Variants in HS2ST1 observed in about 807,000 individuals in gnomAD.
HS2ST1 encodes the protein heparan sulfate 2-O-sulfotransferase 1, also known as 2-O-sulfotransferase.
HS2ST1 carries 18 observed loss-of-function variants against 42.9 expected under a neutral mutation model. The observed-to-expected ratio is 0.42, with a 90% CI of 0.29 to 0.62. HS2ST1 has a LOEUF of 0.62. HS2ST1 is among the 20% of genes least tolerant of loss of function. The pLI, the probability that HS2ST1 is intolerant of heterozygous loss-of-function variation, is 0.21. For synonymous variants in HS2ST1, 146 were observed against 152.9 expected, an observed-to-expected ratio of 0.95 and a Z score of 0.33; for missense variants, 334 against 433.8, an observed-to-expected ratio of 0.77 and a Z score of 2.04.
At chr1:87,069,573 G>T (rs990923604) in intron 1 of HS2ST1, among the ~76,000 whole-genome samples, 6 of 152,178 alleles carry the variant, frequency 3.9e-5, no homozygotes. Flanking sequence ...GTTCAACTGA[G>T]ATGTGATTTA....
chr1:86,983,093 C>G (rs1648645298), intron 1 of HS2ST1, among the ~76,000 whole-genome samples: 1 of 152,220 alleles, frequency 6.6e-6, no homozygotes, highest in Non-Finnish European at 1.5e-5. Flanking sequence ...AACTTTCCCT[C>G]TTTCTGTCTT....
chr1:86,946,047 C>T (rs998357886), intron 1 of HS2ST1, among the ~76,000 whole-genome samples: 3 of 152,084 alleles, frequency 2.0e-5, no homozygotes, highest in Admixed American at 6.5e-5. Flanking sequence ...TAGGTCTGGG[C>T]GAAATAAACA....
chr1:86,959,986 A>G (rs1396249336), intron 1 of HS2ST1, among the ~76,000 whole-genome samples: 1 of 152,204 alleles, frequency 6.6e-6, no homozygotes, highest in Non-Finnish European at 1.5e-5. Context: ...AGGCAACACA[A>G]TATTATAGGA....
chr1:86,950,183 G>A (rs1177923228), intron 1 of HS2ST1, among the ~76,000 whole-genome samples: 1 of 152,160 alleles, frequency 6.6e-6, no homozygotes, highest in Non-Finnish European at 1.5e-5. Context: ...TTGATATGGT[G>A]CGCTGAGAAG....
intron 2 of HS2ST1, among the ~76,000 whole-genome samples, chr1:87,076,889 T>C (rs542541258): frequency 6.6e-6 from 1 of 152,354 alleles, no homozygotes; most frequent in East Asian, 1.9e-4. Flanking sequence ...AAGAACAACA[T>C]GAATTTTTTT....
chr1:86,951,283 T>C (rs1419855875), intron 1 of HS2ST1, among the ~76,000 whole-genome samples: 1 of 152,236 alleles, frequency 6.6e-6, no homozygotes, highest in Non-Finnish European at 1.5e-5. Flanking sequence ...TGCCTGTTTC[T>C]GCCTTCTTAA....
Position 87,048,534 on chromosome 1 carries a change from AGATATCC to A in HS2ST1, c.125-24399_125-24393del, listed in dbSNP as rs558311929. On this transcript the variant is annotated intron_variant, in intron 1 of 6. Transcript: ENST00000370550. ...TATGATACCAGCTGAACATTTTTAC[AGATATCC>A]TTTTATTAGTTTGAGGAAGTTCCCT... 9.7e-4 allele frequency among the ~76,000 whole-genome samples: 147 copies of A among 152,228 alleles called. 1 individual carries two copies. Among genetic ancestry groups the A allele is most frequent in the African/African-American group, 3.4e-3 (142 of 41,532 alleles).
intron 1 of HS2ST1, among the ~76,000 whole-genome samples, chr1:86,934,141 G>C (rs1470623327): frequency 6.6e-6 from 1 of 152,144 alleles, no homozygotes; most frequent in Non-Finnish European, 1.5e-5. Context: ...CTGGGAGGCG[G>C]CTGGAGTTTT....
chr1:86,950,062 A>C (rs1647460192), intron 1 of HS2ST1, among the ~76,000 whole-genome samples: 1 of 152,224 alleles, frequency 6.6e-6, no homozygotes, highest in African/African-American at 2.4e-5. Context: ...TAAGATGCTG[A>C]AACCATTTGG....
chr1:87,100,790 A>T (rs1160772338), intron 5 of HS2ST1, among the ~76,000 whole-genome samples: 1 of 152,124 alleles, frequency 6.6e-6, no homozygotes, highest in Admixed American at 6.5e-5. Flanking sequence ...GTGTGGTGGC[A>T]TATGCCCATA....
In HS2ST1 at chr1:87,044,824, C is replaced by T. The variant is rs929032737; in HGVS notation, c.125-28110C>T. ...AGAGGGAGCAGAATCATTTTCAAGT[C>T]ACTGGTGTCCATTTTTTCCCCTTTG... On this transcript the variant is annotated intron_variant, in intron 1 of 6. Transcript: ENST00000370550. The T allele has an allele frequency of 1.1e-5, 7 of 631,702 alleles. No individual in the cohort carries two copies. In the African/African-American group the frequency reaches 1.3e-4, roughly 12 times the overall value. The allele number at this position is 631,702 out of a possible 1,614,324, so 39.1% of individuals were successfully genotyped here.
At chr1:86,987,327 G>GC (rs1320001231) in intron 1 of HS2ST1, among the ~76,000 whole-genome samples, 1 of 151,970 alleles carries the variant, frequency 6.6e-6, no homozygotes, top group Non-Finnish European at 1.5e-5. Context: ...GTATGCCTCG[G>GC]CCCCCCAAAG....
chr1:87,092,786 T>C (rs1329148822), intron 4 of HS2ST1, 117 bp downstream of exon 4: 23 of 589,056 alleles, frequency 3.9e-5, no homozygotes, highest in Non-Finnish European at 4.8e-5. Context: ...TGTGGAAATT[T>C]TGAAGAGAAC....
At chr1:86,940,527 A>G (rs1016434834) in intron 1 of HS2ST1, among the ~76,000 whole-genome samples, 32 of 152,186 alleles carry the variant, frequency 2.1e-4, no homozygotes, top group Admixed American at 2.1e-3. Context: ...TGTCATATTC[A>G]TTAGGCTATG....
intron 2 of HS2ST1, among the ~76,000 whole-genome samples, chr1:87,083,415 A>G (rs1478297303): frequency 6.6e-6 from 1 of 152,158 alleles, no homozygotes; most frequent in Non-Finnish European, 1.5e-5. Context: ...ACCACTTGCT[A>G]TTTATCATGC....
At chr1:87,064,558 A>G (rs750327527) in intron 1 of HS2ST1, 1 of 516,332 alleles carries the variant, frequency 1.9e-6, no homozygotes, top group South Asian at 1.4e-5. Flanking sequence ...TCTGGAAACC[A>G]CACAAGAAAG....
chr1:86,956,192 G>A (rs1054925689), intron 1 of HS2ST1, among the ~76,000 whole-genome samples: 5 of 152,190 alleles, frequency 3.3e-5, no homozygotes, highest in African/African-American at 1.2e-4. Context: ...TATTTACTGG[G>A]GTGGATCTGC....
At chr1:86,943,785 G>A (rs1331857487) in intron 1 of HS2ST1, among the ~76,000 whole-genome samples, 3 of 151,854 alleles carry the variant, frequency 2.0e-5, no homozygotes, top group African/African-American at 7.3e-5. Context: ...CAGCACTTTG[G>A]GTGGCTGAGG....
chr1:86,975,087 G>T (rs1260361374), intron 1 of HS2ST1, among the ~76,000 whole-genome samples: 1 of 152,062 alleles, frequency 6.6e-6, no homozygotes, highest in Admixed American at 6.6e-5. Flanking sequence ...TAGTTTTTAA[G>T]ATTTGTTCGG....
Sources: allele counts gnomAD v4.1 joint callset (sites outside exome capture counted in the v4.1 genomes callset), GRCh38; gene constraint gnomAD v4.1.1; transcripts MANE v1.5; gene names NCBI Gene and HGNC (gene_info 2026-07-23, HGNC 2026-07-21).